Variants in DLG2 observed in about 807,000 individuals in gnomAD.
DLG2 encodes the protein disks large homolog 2.
DLG2 carries 45 observed loss-of-function variants against 132.5 expected under a neutral mutation model. That is an observed-to-expected ratio of 0.34 (90% CI 0.27 to 0.44). The LOEUF is 0.44. DLG2 is among the 20% of genes least tolerant of loss of function. The pLI, the probability that DLG2 is intolerant of heterozygous loss-of-function variation, is 1.00. For missense variants in DLG2, 1,045 were observed against 1,196.9 expected (o/e 0.87, Z 1.87); for synonymous variants, 424 against 419.6 (o/e 1.01, Z -0.13).
Position 84,614,024 on chromosome 11 carries a change from T to C in DLG2, c.358-79293A>G, listed in dbSNP as rs542512802. Among the ~76,000 whole-genome samples the C allele has an allele frequency of 3.9e-5, 6 of 152,288 alleles. 1 individual carries two copies. The highest frequency in any genetic ancestry group is 4.2e-4 in the South Asian group (2 of 4,818). The stretch of plus-strand genomic sequence containing the variant: ...AAGAGATATGAACACATTTGACCAA[T>C]AGTAAACAACTGTGAATATGTAACA... On this transcript the variant is annotated intron_variant, in intron 6 of 27. Transcript: ENST00000376104.
intron 10 of DLG2, among the ~76,000 whole-genome samples, chr11:84,076,922 A>C (rs1483211112): frequency 6.6e-6 from 1 of 152,228 alleles, no homozygotes; most frequent in South Asian, 2.1e-4. Context: ...ACTTTACTGC[A>C]TGCAAACCCA....
At chr11:84,318,947 A>C (rs1048352214) in intron 7 of DLG2, among the ~76,000 whole-genome samples, 1 of 152,168 alleles carries the variant, frequency 6.6e-6, no homozygotes, top group African/African-American at 2.4e-5. Flanking sequence ...GAAATGAAGG[A>C]GTTGATACAC....
At chr11:84,485,941 T>G (rs1303498507) in intron 7 of DLG2, among the ~76,000 whole-genome samples, 1 of 152,080 alleles carries the variant, frequency 6.6e-6, no homozygotes, top group Non-Finnish European at 1.5e-5. Flanking sequence ...CACACCACAT[T>G]TTGTAGCTAT....
Position 84,285,630 on chromosome 11 carries a change from A to G in DLG2, c.520-34339T>C, listed in dbSNP as rs1247603301. On this transcript the variant is annotated intron_variant, in intron 7 of 27. Transcript: ENST00000376104. ...AATCCTTCCTTCTTCCAGATGTGAAAATTAAATAGGTCTCCAGACATGACC... is the reference window on the plus strand; with the variant it reads ...AATCCTTCCTTCTTCCAGATGTGAAGATTAAATAGGTCTCCAGACATGACC... Among the ~76,000 whole-genome samples, 7 of 152,228 alleles carry G rather than the reference A, an allele frequency of 4.6e-5. No homozygotes were observed. The East Asian group carries it at 1.4e-3, about 29-fold the overall frequency.
In DLG2 at chr11:85,179,744, A is replaced by T. The variant is rs565563713; in HGVS notation, c.187-25093T>A. Among the ~76,000 whole-genome samples the T allele has an allele frequency of 7.2e-5, 11 of 152,000 alleles. No individual in the cohort carries two copies. In the East Asian group the frequency reaches 7.7e-4, roughly 11 times the overall value. On this transcript the variant is annotated intron_variant, in intron 4 of 27. Coordinates refer to ENST00000376104, the MANE Select transcript of DLG2 (RefSeq NM_001142699.3). ...AAGTCTAAAGACATTAGGACCCACA[A>T]TAATACAAATGAACTAAACCTATCT...
intron 6 of DLG2, among the ~76,000 whole-genome samples, chr11:84,978,665 C>A (rs1361661281): frequency 6.6e-6 from 1 of 152,112 alleles, no homozygotes; most frequent in African/African-American, 2.4e-5. Flanking sequence ...AAAATTAATT[C>A]AAGATGGATT....
At chr11:85,260,896 C>A (rs72950104) in intron 4 of DLG2, among the ~76,000 whole-genome samples, 13,823 of 152,128 alleles carry the variant, frequency 0.091, 814 homozygotes, top group African/African-American at 0.16. Context: ...ACAGTCCCAC[C>A]CCACCTCACA....
At chr11:84,596,643 G>A (rs574522081) in intron 6 of DLG2, among the ~76,000 whole-genome samples, 3 of 152,190 alleles carry the variant, frequency 2.0e-5, no homozygotes, top group Middle Eastern at 3.4e-3. Flanking sequence ...ATTTGAGAGG[G>A]TGTATGTAGT....
intron 4 of DLG2, among the ~76,000 whole-genome samples, chr11:85,167,534 C>T (rs1043772979): frequency 1.3e-5 from 2 of 152,030 alleles, no homozygotes; most frequent in African/African-American, 4.8e-5. Context: ...CTCCTAATAC[C>T]CAGAGGGAAA....
At chr11:83,567,410 G>A (rs572639099) in intron 19 of DLG2, among the ~76,000 whole-genome samples, 4 of 152,090 alleles carry the variant, frequency 2.6e-5, no homozygotes, top group Non-Finnish European at 1.5e-5. Context: ...ACCTGGTTTT[G>A]CCTCTACCAT....
At chr11:83,475,138 A>G (rs755465136) in intron 22 of DLG2, among the ~76,000 whole-genome samples, 6 of 152,130 alleles carry the variant, frequency 3.9e-5, no homozygotes, top group Non-Finnish European at 7.4e-5. Flanking sequence ...ACTGTGTAAT[A>G]CCCAGGAAGC....
intron 6 of DLG2, among the ~76,000 whole-genome samples, chr11:84,940,219 C>T (rs2049226565): frequency 6.6e-6 from 1 of 152,202 alleles, no homozygotes; most frequent in Non-Finnish European, 1.5e-5. Flanking sequence ...TGCACAATCT[C>T]AGCTCACTGC....
At chr11:85,475,892 C>A (rs567846118) in intron 3 of DLG2, among the ~76,000 whole-genome samples, 12 of 152,024 alleles carry the variant, frequency 7.9e-5, no homozygotes, top group Non-Finnish European at 1.5e-4. Context: ...TTCTCAAGTC[C>A]CAGTTGCTAT....
At chr11:85,310,459 T>C (rs1213827864) in intron 3 of DLG2, among the ~76,000 whole-genome samples, 1 of 152,216 alleles carries the variant, frequency 6.6e-6, no homozygotes, top group Admixed American at 6.5e-5. Context: ...GCCCCAATCC[T>C]GACTTATAAG....
At chr11:83,698,440 T>G (rs1480550612) in intron 18 of DLG2, among the ~76,000 whole-genome samples, 5 of 152,230 alleles carry the variant, frequency 3.3e-5, no homozygotes, top group African/African-American at 1.2e-4. Flanking sequence ...CTGAACTGTA[T>G]GTACAATGTC....
chr11:84,287,757 C>T (rs2097925602), intron 7 of DLG2, among the ~76,000 whole-genome samples: 2 of 151,162 alleles, frequency 1.3e-5, no homozygotes, highest in South Asian at 4.2e-4. Context: ...CACACACACA[C>T]ACACACACAC....
At chr11:85,412,760 C>CACACACACACACACACACATAT (rs756868795) in intron 3 of DLG2, among the ~76,000 whole-genome samples, 1 of 113,244 alleles carries the variant, frequency 8.8e-6, no homozygotes, top group Non-Finnish European at 1.8e-5. Context: ...CACACACACA[C>CACACACACACACACACACATAT]ATATATATAT....
chr11:83,475,141 C>T (rs2092485379), intron 22 of DLG2, among the ~76,000 whole-genome samples: 1 of 152,142 alleles, frequency 6.6e-6, no homozygotes, highest in Non-Finnish European at 1.5e-5. Flanking sequence ...GTGTAATACC[C>T]AGGAAGCCTG....
At chr11:84,537,888 A>T (rs2099359313) in intron 6 of DLG2, among the ~76,000 whole-genome samples, 1 of 152,242 alleles carries the variant, frequency 6.6e-6, no homozygotes, top group South Asian at 2.1e-4. Flanking sequence ...TACTGGATGA[A>T]AACTTTTTCA....
Sources: allele counts gnomAD v4.1 joint callset (sites outside exome capture counted in the v4.1 genomes callset), GRCh38; gene constraint gnomAD v4.1.1; transcripts MANE v1.5; gene names NCBI Gene and HGNC (gene_info 2026-07-23, HGNC 2026-07-21).